RYR2: variants seen among roughly 807,000 people sequenced by gnomAD.
The protein encoded by RYR2 is cardiac muscle ryanodine receptor-calcium release channel.
In RYR2, 227 loss-of-function variants were observed where a neutral mutation model predicts 601.1. The ratio of observed to expected loss-of-function variants is 0.38; its 90% CI spans 0.34 to 0.42. RYR2 has a LOEUF of 0.42. RYR2 is among the 10% of genes least tolerant of loss of function. The pLI is 1.00. For synonymous variants in RYR2, 2,223 were observed against 2,175.1 expected, an observed-to-expected ratio of 1.02 and a Z score of -0.61; for missense variants, 4,646 against 6,156.5, an observed-to-expected ratio of 0.75 and a Z score of 8.21.
At chr1:237,755,156 A>G in intron 80 of RYR2, 1 of 1,218,710 alleles carries the variant, frequency 8.2e-7, no homozygotes, top group South Asian at 1.4e-5. Context: ...CTTTTGATTT[A>G]AAGGTTTCTT....
chr1:237,707,433 C>T (rs1000732058), intron 68 of RYR2, among the ~76,000 whole-genome samples, 164 bp downstream of exon 68: 3 of 152,070 alleles, frequency 2.0e-5, no homozygotes, highest in African/African-American at 7.2e-5. Flanking sequence ...TAAAAACAGG[C>T]ATTGGGTATA....
At chr1:237,778,606 C>A (rs78765904) in intron 87 of RYR2, 60 bp from the exon 88 acceptor site, 10,595 of 843,884 alleles carry the variant, frequency 0.013, 105 homozygotes, top group Middle Eastern at 0.023. Context: ...TGTTATTGTA[C>A]AGTTTGTTTT....
chr1:237,172,510 T>A (rs370900418), intron 1 of RYR2, among the ~76,000 whole-genome samples: 1 of 152,060 alleles, frequency 6.6e-6, no homozygotes, highest in Non-Finnish European at 1.5e-5. Flanking sequence ...TTTTTTTTTT[T>A]AATGAGGAAA....
intron 63 of RYR2, among the ~76,000 whole-genome samples, chr1:237,687,864 C>G (rs1162555401): frequency 6.6e-6 from 1 of 152,148 alleles, no homozygotes; most frequent in African/African-American, 2.4e-5. Flanking sequence ...AAATAATGAG[C>G]TGTTATAAAT....
intron 25 of RYR2, among the ~76,000 whole-genome samples, chr1:237,546,464 G>C (rs2148069537): frequency 6.6e-6 from 1 of 152,182 alleles, no homozygotes; most frequent in South Asian, 2.1e-4. Context: ...TGCAACCTCT[G>C]CCTCCCAGAT....
At chr1:237,827,897 A>C (rs1379842051) in intron 101 of RYR2, among the ~76,000 whole-genome samples, 7 of 125,542 alleles carry the variant, frequency 5.6e-5, no homozygotes, top group African/African-American at 2.1e-4. Flanking sequence ...AGATTGTGCC[A>C]CTGCACTCCA....
intron 1 of RYR2, among the ~76,000 whole-genome samples, chr1:237,161,498 A>T (rs1398724423): frequency 6.7e-6 from 1 of 148,310 alleles, no homozygotes; most frequent in Non-Finnish European, 1.5e-5. Context: ...GTCTCTAAGA[A>T]TGCTGTTTCC....
chr1:237,141,570 C>T (rs1346574667), intron 1 of RYR2, among the ~76,000 whole-genome samples: 1 of 152,138 alleles, frequency 6.6e-6, no homozygotes, highest in African/African-American at 2.4e-5. Flanking sequence ...CCTGGTTCCC[C>T]AACTGGGAAG....
intron 58 of RYR2, among the ~76,000 whole-genome samples, chr1:237,673,057 C>T (rs1303541764): frequency 6.6e-6 from 1 of 152,164 alleles, no homozygotes; most frequent in African/African-American, 2.4e-5. Flanking sequence ...GTGATTGTTG[C>T]AGTAGCTCCT....
intron 12 of RYR2, among the ~76,000 whole-genome samples, chr1:237,436,066 C>T (rs945131029): frequency 7.2e-5 from 11 of 152,142 alleles, no homozygotes; most frequent in Non-Finnish European, 1.2e-4. Flanking sequence ...TTTATGTGCT[C>T]AGGGAAAGCC....
chr1:237,536,111 C>G (rs1437203250), intron 25 of RYR2, among the ~76,000 whole-genome samples: 1 of 152,094 alleles, frequency 6.6e-6, no homozygotes, highest in Non-Finnish European at 1.5e-5. Context: ...AAATTGTCAT[C>G]AATAGCAGGT....
At chr1:237,738,318 C>T (rs1691320662) in intron 79 of RYR2, among the ~76,000 whole-genome samples, 1 of 152,134 alleles carries the variant, frequency 6.6e-6, no homozygotes, top group Non-Finnish European at 1.5e-5. Context: ...TGTTAGTCCA[C>T]TAGTGTCTAC....
chr1:237,221,812 G>A (rs1683828185), intron 1 of RYR2, among the ~76,000 whole-genome samples: 2 of 152,152 alleles, frequency 1.3e-5, no homozygotes, highest in South Asian at 4.1e-4. Flanking sequence ...TCTTTTCCAT[G>A]TCAGAGGGTC....
At chr1:237,264,699 A>T (rs867206425) in intron 1 of RYR2, among the ~76,000 whole-genome samples, 162 of 147,172 alleles carry the variant, frequency 1.1e-3, no homozygotes, top group Admixed American at 2.7e-3. Context: ...TATTATTATT[A>T]TTTTTTTTTT....
chr1:237,654,030 C>T (rs1005192057), intron 51 of RYR2, among the ~76,000 whole-genome samples: 1 of 152,138 alleles, frequency 6.6e-6, no homozygotes, highest in African/African-American at 2.4e-5. Context: ...TTGGCAACCC[C>T]CTCACAGACA....
chr1:237,560,301 G>C (rs184438222), intron 27 of RYR2, among the ~76,000 whole-genome samples: 1 of 152,240 alleles, frequency 6.6e-6, no homozygotes, highest in Non-Finnish European at 1.5e-5. Context: ...AAGCTGCAAG[G>C]CTAACAAATT....
At chr1:237,829,360 G>A (rs1016716304) in intron 102 of RYR2, among the ~76,000 whole-genome samples, 7 of 152,208 alleles carry the variant, frequency 4.6e-5, no homozygotes, top group African/African-American at 1.7e-4. Flanking sequence ...GCACATGGGA[G>A]TTGGGCAAGT....
intron 44 of RYR2, among the ~76,000 whole-genome samples, chr1:237,637,096 G>A (rs761667124): frequency 4.7e-4 from 72 of 152,154 alleles, no homozygotes; most frequent in Non-Finnish European, 3.1e-4. Flanking sequence ...TCTGCGTCTT[G>A]ATTATGGTGT....
Position 237,590,637 on chromosome 1 carries a change from T to C in RYR2, c.3808-3T>C. Reference sequence around the variant, plus strand: ...TGTGAACTATCGCTTCTTCGTTTGCTAGGTGACCAGAATAGACGGCACCAT... The same window carrying C: ...TGTGAACTATCGCTTCTTCGTTTGCCAGGTGACCAGAATAGACGGCACCAT... On this transcript the variant is annotated splice_region_variant and splice_polypyrimidine_tract_variant and intron_variant, in intron 30 of 104. Coordinates refer to ENST00000366574, the MANE Select transcript of RYR2 (RefSeq NM_001035.3). The C allele has an allele frequency of 6.7e-7, 1 of 1,500,506 alleles. No individual in the cohort carries two copies. The highest frequency in any genetic ancestry group is 8.9e-7 in the Non-Finnish European group (1 of 1,124,724). 92.9% of individuals were successfully genotyped at this position (1,500,506 alleles called of 1,614,324 possible). A position where few individuals can be genotyped will look rare whatever the true frequency, so the allele number is the denominator to read the frequency against.
Sources: allele counts gnomAD v4.1 joint callset (sites outside exome capture counted in the v4.1 genomes callset), GRCh38; gene constraint gnomAD v4.1.1; transcripts MANE v1.5; gene names NCBI Gene and HGNC (gene_info 2026-07-23, HGNC 2026-07-21).